The following LRRC8C variants were observed in gnomAD, a reference collection of about 807,000 sequenced individuals.
The protein encoded by LRRC8C is volume-regulated anion channel subunit LRRC8C.
A neutral mutation model predicts 55.3 loss-of-function variants in LRRC8C; 20 were observed. The ratio of observed to expected loss-of-function variants is 0.36; its 90% CI spans 0.25 to 0.53. The LOEUF (loss-of-function observed/expected upper bound fraction) is 0.53, where lower values mean the gene tolerates loss of function less well. LRRC8C is among the 20% of genes least tolerant of loss of function. LRRC8C has a pLI of 0.92. For synonymous variants in LRRC8C, 376 were observed against 360.7 expected (o/e 1.04, Z -0.48); for missense variants, 659 against 951.4 (o/e 0.69, Z 4.04).
At chr1:89,653,943 T>C (rs963524954) in intron 1 of LRRC8C, among the ~76,000 whole-genome samples, 3 of 152,220 alleles carry the variant, frequency 2.0e-5, no homozygotes, top group African/African-American at 7.2e-5. Context: ...GTATGTTTAT[T>C]GCAGCATCAT....
intron 1 of LRRC8C, among the ~76,000 whole-genome samples, chr1:89,685,866 CAAGG>C (rs1657865140): frequency 1.3e-5 from 2 of 151,944 alleles, no homozygotes; most frequent in Non-Finnish European, 2.9e-5. Context: ...AAAAAGGAAA[CAAGG>C]AAGAAAAATT....
chr1:89,628,664 G>C (rs762031027), upstream of LRRC8C, among the ~76,000 whole-genome samples: 28 of 152,224 alleles, frequency 1.8e-4, no homozygotes, highest in Non-Finnish European at 4.0e-4. Context: ...AGGCCTGTCT[G>C]TTCAGATTTC....
chr1:89,710,430 TAA>T (rs1299884311), intron 2 of LRRC8C, among the ~76,000 whole-genome samples: 19 of 152,208 alleles, frequency 1.2e-4, no homozygotes, highest in African/African-American at 2.2e-4. Flanking sequence ...AAACATGAAA[TAA>T]GTTAGCTTTT....
intron 1 of LRRC8C, among the ~76,000 whole-genome samples, chr1:89,658,548 T>C (rs1557651471): frequency 6.6e-6 from 1 of 152,182 alleles, no homozygotes; most frequent in Non-Finnish European, 1.5e-5. Context: ...TATGCAGCTA[T>C]GTCCTCATTT....
rs1656453815 is a variant in LRRC8C at position 89,641,502 on chromosome 1, G to A, written c.-5+8180G>A. 2.6e-5 allele frequency among the ~76,000 whole-genome samples: 4 copies of A among 152,260 alleles called. No individual in the cohort carries two copies. The South Asian group carries it at 8.3e-4, about 32-fold the overall frequency. ...TAGGAATATGTGTTTCTTCATAGAA[G>A]GAGATTGTGAATTCTACTTCACAAA... On this transcript the variant is annotated intron_variant, in intron 1 of 2. Coordinates refer to ENST00000370454, the MANE Select transcript of LRRC8C (RefSeq NM_032270.5).
At chr1:89,628,955 CTT>C, upstream of LRRC8C, among the ~76,000 whole-genome samples, 1 of 152,290 alleles carries the variant, frequency 6.6e-6, no homozygotes, top group Non-Finnish European at 1.5e-5. Context: ...TAGACAGAGA[CTT>C]TGCTTCTGAG....
At chr1:89,673,768 GC>G (rs1657481684) in intron 1 of LRRC8C, among the ~76,000 whole-genome samples, 1 of 152,174 alleles carries the variant, frequency 6.6e-6, no homozygotes. Flanking sequence ...GGACCTTATA[GC>G]CTAGGGAAGA....
chr1:89,691,780 C>G (rs894753448), intron 2 of LRRC8C, among the ~76,000 whole-genome samples: 1 of 152,108 alleles, frequency 6.6e-6, no homozygotes, highest in Non-Finnish European at 1.5e-5. Context: ...GGAACCATCA[C>G]AATTGCACAG....
At chr1:89,651,594 A>G (rs1323783078) in intron 1 of LRRC8C, among the ~76,000 whole-genome samples, 3 of 150,500 alleles carry the variant, frequency 2.0e-5, no homozygotes, top group South Asian at 2.1e-4. Context: ...AAAAAAAGCA[A>G]CGTAGACCAC....
At chr1:89,636,806 G>A (rs775044147) in intron 1 of LRRC8C, among the ~76,000 whole-genome samples, 30 of 152,078 alleles carry the variant, frequency 2.0e-4, no homozygotes, top group Non-Finnish European at 3.2e-4. Context: ...ACAGCACCCG[G>A]CCCACTCCTA....
chr1:89,711,835 A>AT (rs769062799), intron 2 of LRRC8C, among the ~76,000 whole-genome samples: 1 of 152,132 alleles, frequency 6.6e-6, no homozygotes, highest in African/African-American at 2.4e-5. Context: ...ACACTTCTGT[A>AT]TTTTTTTATC....
rs997940235 is a variant in LRRC8C, at chr1:89,641,676, A to G, written c.-5+8354A>G. On this transcript the variant is annotated intron_variant, in intron 1 of 2. Transcript: ENST00000370454. ...CATTGAATTTGTTACCTACTCATTA[A>G]CTTTTAGGTTTCTTTATTTACACTT... Among the ~76,000 whole-genome samples the G allele has an allele frequency of 8.5e-5, 13 of 152,268 alleles. No individual in the cohort carries two copies. In the East Asian group the frequency reaches 2.5e-3, roughly 29 times the overall value.
chr1:89,617,999 C>T, the LRRC8C span, among the ~76,000 whole-genome samples: 3 of 152,218 alleles, frequency 2.0e-5, no homozygotes, highest in East Asian at 5.8e-4. Context: ...AGGAAGCTCC[C>T]CTGAGCCTTA....
At chr1:89,684,125 A>G (rs1013807542) in intron 1 of LRRC8C, among the ~76,000 whole-genome samples, 2 of 152,090 alleles carry the variant, frequency 1.3e-5, no homozygotes, top group Non-Finnish European at 2.9e-5. Context: ...TAGTATGGTA[A>G]ATATGTATAG....
chr1:89,684,580 A>G lies in LRRC8C; in HGVS notation c.-4-1890A>G, dbSNP rs117948313. Among the ~76,000 whole-genome samples the G allele has an allele frequency of 2.3e-4, 35 of 152,342 alleles. 1 individual carries two copies. The East Asian group carries it at 6.7e-3, about 29-fold the overall frequency. ...TCAAGATGAATTTGTGCCATCTGTT[A>G]TTGCCACTGAGACAACTGTGACTAT... On this transcript the variant is annotated intron_variant, in intron 1 of 2. Transcript: ENST00000370454.
the LRRC8C span, among the ~76,000 whole-genome samples, chr1:89,622,922 A>T: frequency 6.6e-6 from 1 of 152,242 alleles, no homozygotes; most frequent in East Asian, 1.9e-4. Context: ...TGAACAATTA[A>T]TATAAAATGG....
Position 89,674,576 on chromosome 1 carries a change from T to C in LRRC8C, c.-4-11894T>C, listed in dbSNP as rs1453254627. Among the ~76,000 whole-genome samples the C allele has an allele frequency of 2.2e-4, 33 of 152,200 alleles. 1 individual carries two copies. Among genetic ancestry groups the C allele is most frequent in the Non-Finnish European group, 7.3e-5 (5 of 68,036 alleles). The stretch of plus-strand genomic sequence containing the variant: ...ATTCTGATTTTTAGGTACATTCTTA[T>C]CAGTTTTAATGCTCCTGAAGGGCCA... On this transcript the variant is annotated intron_variant, in intron 1 of 2. Coordinates refer to ENST00000370454, the MANE Select transcript of LRRC8C (RefSeq NM_032270.5).
At chr1:89,662,050 TAA>T (rs1657136151) in intron 1 of LRRC8C, among the ~76,000 whole-genome samples, 2 of 152,208 alleles carry the variant, frequency 1.3e-5, no homozygotes, top group Admixed American at 1.3e-4. Flanking sequence ...GAAACCACTC[TAA>T]CAGGGGCATC....
chr1:89,708,115 T>C (rs1332698474), intron 2 of LRRC8C, among the ~76,000 whole-genome samples: 1 of 151,390 alleles, frequency 6.6e-6, no homozygotes, highest in East Asian at 2.0e-4. Context: ...TTCCCCCTTT[T>C]TCTCTCCCTC....
Sources: allele counts gnomAD v4.1 joint callset (sites outside exome capture counted in the v4.1 genomes callset), GRCh38; gene constraint gnomAD v4.1.1; transcripts MANE v1.5; gene names NCBI Gene and HGNC (gene_info 2026-07-23, HGNC 2026-07-21).